PSD3: variants seen among roughly 807,000 people sequenced by gnomAD.
PSD3 encodes pleckstrin and Sec7 domain containing 3, also known as PH and SEC7 domain-containing protein 3.
In PSD3, 49 loss-of-function variants were observed where a neutral mutation model predicts 105.5. The observed-to-expected ratio is 0.46, with a 90% CI of 0.37 to 0.59. The LOEUF is 0.59. Ranked by LOEUF, PSD3 falls within the 20% of genes least tolerant of loss-of-function variation. PSD3 has a pLI of 0.00. For missense variants in PSD3, 1,561 were observed against 1,263.8 expected, an observed-to-expected ratio of 1.24 and a Z score of -3.57; for synonymous variants, 557 against 457.8, an observed-to-expected ratio of 1.22 and a Z score of -2.77.
chr8:18,698,981 A>T (rs1474472464), intron 9 of PSD3, among the ~76,000 whole-genome samples: 1 of 152,226 alleles, frequency 6.6e-6, no homozygotes, highest in Non-Finnish European at 1.5e-5. Context: ...AGACCCAAAG[A>T]TGAAACCCCA....
chr8:18,808,833 C>A lies in PSD3; in HGVS notation c.1635-3935G>T, dbSNP rs374984251. The A allele has an allele frequency of 3.7e-6, 6 of 1,609,922 alleles. No individual in the cohort carries two copies. In the East Asian group the frequency reaches 8.9e-5, roughly 24 times the overall value. ...GGACCATCCTTCCTCTCCGAAGCCC[C>A]GTCCAGTATTCTTCAGCTCCCAAGT... On this transcript the variant is annotated intron_variant, in intron 4 of 15. Coordinates refer to ENST00000327040, the MANE Select transcript of PSD3 (RefSeq NM_015310.4).
At chr8:18,625,150 G>A (rs750564299) in intron 11 of PSD3, among the ~76,000 whole-genome samples, 5 of 151,096 alleles carry the variant, frequency 3.3e-5, no homozygotes, top group Non-Finnish European at 5.9e-5. Context: ...TTTAATCTAC[G>A]TGAAACTGGT....
At position 18,532,535 on chromosome 8, in the gene PSD3, C is replaced by G. The variant is rs569753113; in HGVS notation, c.*3208G>C. The G allele has an allele frequency of 1.8e-4, 27 of 152,322 alleles. No homozygotes were observed. The highest frequency in any genetic ancestry group is 6.5e-4 in the African/African-American group (27 of 41,570). The allele number at this position is 152,322 out of a possible 1,614,324, so 9.4% of individuals were successfully genotyped here. On this transcript the variant is annotated 3_prime_UTR_variant, in exon 16 of 16. Transcript: ENST00000327040. ...GAGGAATAAAAAGGTTACACATAAT[C>G]CAGGGACTACATTTCCATCAGAGGA...
At chr8:18,743,303 G>A (rs1190036813) in intron 9 of PSD3, among the ~76,000 whole-genome samples, 1 of 152,168 alleles carries the variant, frequency 6.6e-6, no homozygotes, top group Non-Finnish European at 1.5e-5. Flanking sequence ...TCATAGAGGA[G>A]CGGGGAGATA....
intron 9 of PSD3, among the ~76,000 whole-genome samples, chr8:18,661,293 C>T (rs546322379): frequency 6.6e-6 from 1 of 152,174 alleles, no homozygotes; most frequent in Admixed American, 6.5e-5. Context: ...ATTATGACAC[C>T]ATCCGTACCA....
chr8:18,565,464 A>G (rs1474490650), intron 14 of PSD3, among the ~76,000 whole-genome samples: 1 of 152,226 alleles, frequency 6.6e-6, no homozygotes. Context: ...CACTGGCAAT[A>G]ATCAATTTTA....
At chr8:18,970,111 G>C (rs564906505) in intron 1 of PSD3, among the ~76,000 whole-genome samples, 18 of 151,486 alleles carry the variant, frequency 1.2e-4, no homozygotes, top group Non-Finnish European at 2.4e-4. Context: ...GGATCACGAG[G>C]TCAGGAGATC....
intron 1 of PSD3, among the ~76,000 whole-genome samples, chr8:18,990,826 C>A (rs1006046695): frequency 2.6e-5 from 4 of 152,202 alleles, no homozygotes; most frequent in African/African-American, 9.7e-5. Flanking sequence ...CATTCACGAA[C>A]AGATCAACCA....
intron 9 of PSD3, among the ~76,000 whole-genome samples, chr8:18,678,728 C>T (rs1224935754): frequency 2.0e-5 from 3 of 152,054 alleles, no homozygotes. Flanking sequence ...AGGGGAATCG[C>T]TCGAATCTGG....
intron 15 of PSD3, among the ~76,000 whole-genome samples, chr8:18,555,636 T>C (rs1337098781): frequency 6.6e-6 from 1 of 152,234 alleles, no homozygotes; most frequent in Non-Finnish European, 1.5e-5. Context: ...GTTTAAATTT[T>C]ACACTTTTCC....
chr8:19,083,821 G>C, intron 1 of PSD3, among the ~76,000 whole-genome samples: 1 of 152,010 alleles, frequency 6.6e-6, no homozygotes, highest in Non-Finnish European at 1.5e-5. Flanking sequence ...ATTTCTCAAA[G>C]TGGTTAAGAT....
chr8:18,777,436 TTTA>T (rs1289428761), intron 8 of PSD3, among the ~76,000 whole-genome samples: 1 of 152,246 alleles, frequency 6.6e-6, no homozygotes, highest in African/African-American at 2.4e-5. Flanking sequence ...TGCTCTGACC[TTTA>T]TTGTTTCCTT....
At chr8:18,924,319 T>C (rs1821226880) in intron 2 of PSD3, among the ~76,000 whole-genome samples, 1 of 152,208 alleles carries the variant, frequency 6.6e-6, no homozygotes, top group Non-Finnish European at 1.5e-5. Flanking sequence ...CAAGGAATAG[T>C]GAGCAAGTCT....
chr8:19,025,104 G>C (rs905256799), intron 1 of PSD3, among the ~76,000 whole-genome samples: 3 of 152,094 alleles, frequency 2.0e-5, no homozygotes, highest in Non-Finnish European at 4.4e-5. Context: ...TGAAAAGCAG[G>C]ATGAGGGCCA....
chr8:18,874,629 G>A (rs1817611266), intron 2 of PSD3, among the ~76,000 whole-genome samples: 1 of 149,872 alleles, frequency 6.7e-6, no homozygotes, highest in Admixed American at 6.7e-5. Context: ...TTTGAACCTG[G>A]GAGGCAGAGG....
At chr8:18,866,920 A>G (rs1264103324) in intron 4 of PSD3, among the ~76,000 whole-genome samples, 3 of 151,864 alleles carry the variant, frequency 2.0e-5, no homozygotes, top group Admixed American at 6.6e-5. Flanking sequence ...ACACACATAT[A>G]CCAAAACAAA....
intron 1 of PSD3, among the ~76,000 whole-genome samples, chr8:19,051,628 G>A (rs2129477178): frequency 6.6e-6 from 1 of 152,310 alleles, no homozygotes; most frequent in South Asian, 2.1e-4. Context: ...TCCCCAATCA[G>A]AATAATTGCT....
chr8:19,028,353 C>G (rs545669358), intron 1 of PSD3, among the ~76,000 whole-genome samples: 5 of 121,506 alleles, frequency 4.1e-5, no homozygotes, highest in Admixed American at 2.1e-4. Flanking sequence ...GATTGTGAAG[C>G]CAATCTACCT....
chr8:18,986,931 G>T (rs188586686), intron 1 of PSD3, among the ~76,000 whole-genome samples: 20 of 152,168 alleles, frequency 1.3e-4, no homozygotes, highest in Non-Finnish European at 2.5e-4. Context: ...TATGCTTAGT[G>T]TTCCATTAAT....
Sources: gnomAD v4.1 joint callset for allele counts (sites outside exome capture counted in the v4.1 genomes callset) on GRCh38, gnomAD v4.1.1 for gene constraint, MANE v1.5 for transcripts, NCBI Gene and HGNC (gene_info 2026-07-23, HGNC 2026-07-21) for gene names.